The following ABLIM2 variants were observed in gnomAD, a reference collection of about 807,000 sequenced individuals.
The protein encoded by ABLIM2 is actin-binding LIM protein 2.
Under a neutral mutation model 97.7 loss-of-function variants are expected in ABLIM2, and 53 were observed. The ratio of observed to expected loss-of-function variants is 0.54; its 90% CI spans 0.44 to 0.68. The LOEUF (loss-of-function observed/expected upper bound fraction) is 0.68, where lower values mean the gene tolerates loss of function less well. Among genes scored for constraint, ABLIM2 ranks in the 30% least tolerant of loss-of-function variants. The pLI, the probability that ABLIM2 is intolerant of heterozygous loss-of-function variation, is 0.00. For synonymous variants in ABLIM2, 361 were observed against 345.8 expected (o/e 1.04, Z -0.49); for missense variants, 835 against 867.2 (o/e 0.96, Z 0.47).
At chr4:8,139,177 A>G (rs1487425400) in intron 1 of ABLIM2, among the ~76,000 whole-genome samples, 2 of 151,060 alleles carry the variant, frequency 1.3e-5, no homozygotes, top group African/African-American at 4.9e-5. Context: ...AGCCTGGGCA[A>G]CAACAGTGAA....
chr4:8,106,092 C>T (rs1257893318), intron 2 of ABLIM2, among the ~76,000 whole-genome samples: 2 of 152,212 alleles, frequency 1.3e-5, no homozygotes, highest in South Asian at 2.1e-4. Context: ...GGGGTCCCCG[C>T]GTGCCTGGGA....
In ABLIM2 at chr4:7,986,801, C is replaced by G. The variant is rs1408341421; in HGVS notation, c.1681-1908G>C. On this transcript the variant is annotated intron_variant, in intron 17 of 20. Coordinates refer to ENST00000447017, the MANE Select transcript of ABLIM2 (RefSeq NM_001130083.2). The surrounding 1 kb of genome is among the most constrained non-coding windows in gnomAD (Gnocchi z 4.3). The stretch of plus-strand genomic sequence containing the variant: ...GATTCTCCTGCCTCAGCCTCCTGAG[C>G]AGCTGGGATTACAGGCGCCTACCAC... 1.3e-5 allele frequency among the ~76,000 whole-genome samples: 2 copies of G among 151,928 alleles called. No homozygotes were observed. Among genetic ancestry groups the G allele is most frequent in the Non-Finnish European group, 1.5e-5 (1 of 68,004 alleles).
In ABLIM2 at chr4:8,140,586, G is replaced by A. The variant is rs559776329; in HGVS notation, c.10+18094C>T. On this transcript the variant is annotated intron_variant, in intron 1 of 20. Coordinates refer to ENST00000447017, the MANE Select transcript of ABLIM2 (RefSeq NM_001130083.2). The surrounding 1 kb of genome is among the most constrained non-coding windows in gnomAD (Gnocchi z 5.9). ...CTTCAATGCCCCTTCAAAAACAAAC[G>A]CGCATTCTGTCTGTGATACCGTTAC... Among the ~76,000 whole-genome samples the A allele has an allele frequency of 1.1e-4, 17 of 152,224 alleles. No homozygotes were observed. In the East Asian group the frequency reaches 2.9e-3, roughly 26 times the overall value.
In ABLIM2 at chr4:8,007,620, G is replaced by C. The variant is rs1044985037; in HGVS notation, c.1618+439C>G. The C allele has an allele frequency of 6.0e-6, 6 of 991,896 alleles. No homozygotes were observed. The African/African-American group carries it at 8.7e-5, about 14-fold the overall frequency. The allele number at this position is 991,896 out of a possible 1,614,324, so 61.4% of individuals were successfully genotyped here. A position where few individuals can be genotyped will look rare whatever the true frequency, so the allele number is the denominator to read the frequency against. On this transcript the variant is annotated intron_variant, in intron 16 of 20. Transcript: ENST00000447017. Reference sequence around the variant, plus strand: ...GTCTCTCTATGAAGCCTGAGGCTGTGCCTCGTTCAGGATGAGTCACAGGGG... The same window carrying C: ...GTCTCTCTATGAAGCCTGAGGCTGTCCCTCGTTCAGGATGAGTCACAGGGG...
chr4:8,031,766 C>T lies in ABLIM2; in HGVS notation c.1048-1990G>A, dbSNP rs1334807297. 7.3e-5 allele frequency among the ~76,000 whole-genome samples: 11 copies of T among 151,446 alleles called. 1 individual carries two copies. Among genetic ancestry groups the T allele is most frequent in the African/African-American group, 2.4e-4 (10 of 41,280 alleles). ...TTGAGATGGAGTCTCGCTCTGTCAC[C>T]CAGGCTGCAGTGCAGTGGCGTGACC... On this transcript the variant is annotated intron_variant, in intron 10 of 20. Coordinates refer to ENST00000447017, the MANE Select transcript of ABLIM2 (RefSeq NM_001130083.2).
At position 8,106,621 on chromosome 4, in the gene ABLIM2, A is replaced by C. The variant is rs758191371; in HGVS notation, c.27T>G (p.Ala9=). The change falls in exon 2 of 21, where the codon GCT becomes GCG. Residue 9 remains alanine (A), a synonymous_variant. Coordinates refer to ENST00000447017, the MANE Select transcript of ABLIM2 (RefSeq NM_001130083.2). ...GCGACTTCTCCAGCGGGCTGGGAGC[A>C]GCCTGGGGCTGCGACACTGTTGGGA... MSAVSQPQ[A]APSPLEKSPS... is the part of the protein sequence containing the mutation. 6.2e-7 allele frequency: 1 copy of C among 1,610,524 alleles called. No individual in the cohort carries two copies. Among genetic ancestry groups the C allele is most frequent in the South Asian group, 1.1e-5 (1 of 90,364 alleles).
chr4:8,020,458 C>T, intron 12 of ABLIM2, 155 bp from the exon 13 acceptor site: 1 of 730,996 alleles, frequency 1.4e-6, no homozygotes, highest in Non-Finnish European at 2.4e-6. Context: ...GTGTGGGCCT[C>T]ATCCACGTTC....
chr4:7,975,519 T>C (rs1227410609), intron 20 of ABLIM2, among the ~76,000 whole-genome samples: 2 of 152,200 alleles, frequency 1.3e-5, no homozygotes, highest in Non-Finnish European at 2.9e-5. Context: ...CTGCATCCCC[T>C]TGGCCATGCC....
chr4:8,117,224 T>G (rs1272766776), intron 1 of ABLIM2, among the ~76,000 whole-genome samples: 1 of 152,208 alleles, frequency 6.6e-6, no homozygotes, highest in Non-Finnish European at 1.5e-5. Flanking sequence ...TATTGAGGTT[T>G]AGTGACCAGC....
intron 17 of ABLIM2, among the ~76,000 whole-genome samples, chr4:7,985,303 G>A (rs1403214139): frequency 9.2e-5 from 14 of 152,152 alleles, no homozygotes; most frequent in African/African-American, 2.9e-4. Context: ...GCGGTTCCCC[G>A]TTGGTGATCT....
At chr4:8,062,883 T>C (rs1044649154) in intron 6 of ABLIM2, among the ~76,000 whole-genome samples, 3 of 152,236 alleles carry the variant, frequency 2.0e-5, no homozygotes, top group African/African-American at 4.8e-5. Flanking sequence ...TTGTGGCCTG[T>C]GACCTGTCCT....
At position 8,003,618 on chromosome 4, in the gene ABLIM2, T is replaced by C. The variant is rs1758879368; in HGVS notation, c.1618+4441A>G. 8.2e-5 allele frequency among the ~76,000 whole-genome samples: 12 copies of C among 146,252 alleles called. No homozygotes were observed. In the Admixed American group the frequency reaches 8.7e-4, roughly 11 times the overall value. ...TCTCGCTCTGTCGCCCAGGCTGGAG[T>C]GCAATGGTGCAATCTCGGCTTACTG... On this transcript the variant is annotated intron_variant, in intron 16 of 20. Transcript: ENST00000447017. The surrounding 1 kb of genome is among the most constrained non-coding windows in gnomAD (Gnocchi z 4.2).
At position 8,152,441 on chromosome 4, in the gene ABLIM2, G is replaced by A. The variant is rs552221378; in HGVS notation, c.10+6239C>T. ...GAGGACCCCGGGAGGAAACCTATAC[G>A]AGCATCTGGCCCAGGGCCCCAGGGC... On this transcript the variant is annotated intron_variant, in intron 1 of 20. Coordinates refer to ENST00000447017, the MANE Select transcript of ABLIM2 (RefSeq NM_001130083.2). Among the ~76,000 whole-genome samples, 12 of 152,320 alleles carry A rather than the reference G, an allele frequency of 7.9e-5. No homozygotes were observed. The East Asian group carries it at 1.9e-3, about 25-fold the overall frequency.
chr4:8,009,226 C>A (rs115547077), intron 14 of ABLIM2, 124 bp from the exon 15 acceptor site: 2 of 1,196,560 alleles, frequency 1.7e-6, no homozygotes, highest in African/African-American at 1.5e-5. Context: ...GTCAGTAGTA[C>A]GAGTGCCTTT....
intron 1 of ABLIM2, among the ~76,000 whole-genome samples, chr4:8,115,593 GA>G (rs1481554720): frequency 1.3e-5 from 2 of 152,184 alleles, no homozygotes; most frequent in African/African-American, 2.4e-5. Context: ...TGTCCTTCTG[GA>G]AGCCTCTGAG....
rs935100099 is a variant in ABLIM2 at position 7,998,095 on chromosome 4, C to T, written c.1619-5168G>A. ...GGGGTTTCTCCATGTTGATCGGGCT[C>T]GTCTTCAACTCCTGATCTCAGGTGA... is the stretch of plus-strand genomic sequence containing the variant. On this transcript the variant is annotated intron_variant, in intron 16 of 20. Transcript: ENST00000447017. This position sits in a 1 kb window ranked among gnomAD's most constrained non-coding sequence, Gnocchi z 6.4. 1.3e-5 allele frequency among the ~76,000 whole-genome samples: 2 copies of T among 151,908 alleles called. No individual in the cohort carries two copies. The highest frequency in any genetic ancestry group is 4.8e-5 in the African/African-American group (2 of 41,356).
At chr4:8,101,205 G>A (rs1834402480) in intron 2 of ABLIM2, among the ~76,000 whole-genome samples, 2 of 152,238 alleles carry the variant, frequency 1.3e-5, no homozygotes, top group Non-Finnish European at 2.9e-5. Context: ...GGCTGGCCGG[G>A]CATCGCAGCT....
intron 17 of ABLIM2, among the ~76,000 whole-genome samples, chr4:7,989,888 C>T (rs1045913446): frequency 6.6e-6 from 1 of 152,198 alleles, no homozygotes; most frequent in African/African-American, 2.4e-5. Flanking sequence ...GCCTTACCCA[C>T]AGGGAGAGAA....
chr4:8,090,082 C>G (rs1826307771), intron 3 of ABLIM2, among the ~76,000 whole-genome samples: 1 of 152,190 alleles, frequency 6.6e-6, no homozygotes, highest in Admixed American at 6.5e-5. Flanking sequence ...TTCTGGGGAT[C>G]CAGGACAAAT....
Sources: allele counts gnomAD v4.1 joint callset (sites outside exome capture counted in the v4.1 genomes callset), GRCh38; gene constraint gnomAD v4.1.1; non-coding constraint Gnocchi (gnomAD v3.1); transcripts MANE v1.5; gene names NCBI Gene and HGNC (gene_info 2026-07-23, HGNC 2026-07-21).